Variants in LRRK1 observed in about 807,000 individuals in gnomAD.
The protein encoded by LRRK1 is leucine rich repeat kinase 1, also known as leucine-rich repeat serine/threonine-protein kinase 1.
LRRK1 carries 113 observed loss-of-function variants against 209.1 expected under a neutral mutation model. That is an observed-to-expected ratio of 0.54 (90% CI 0.46 to 0.63). The LOEUF (loss-of-function observed/expected upper bound fraction) is 0.63. Among genes scored for constraint, LRRK1 ranks in the 30% least tolerant of loss-of-function variants. LRRK1 has a pLI of 0.00. For synonymous variants in LRRK1, 1,144 were observed against 1,099.7 expected (o/e 1.04, Z -0.80); for missense variants, 2,284 against 2,632.2 (o/e 0.87, Z 2.89).
chr15:101,058,225 C>G, intron 29 of LRRK1, 84 bp downstream of exon 29: 1 of 1,388,042 alleles, frequency 7.2e-7, no homozygotes, highest in East Asian at 2.4e-5. Context: ...CGATGTTGAC[C>G]ACAGTGAGAA....
At position 101,076,406 on chromosome 15, in the gene LRRK1, A is replaced by G. The variant is rs527926450; in HGVS notation, c.*7558A>G. ...CACCGACTTCAATCCAGCCTCCCAC[A>G]TTATTCCTGATACCACACCTGACCC... is the stretch of plus-strand genomic sequence containing the variant. On this transcript the variant is annotated 3_prime_UTR_variant, in exon 34 of 34. Coordinates refer to ENST00000388948, the MANE Select transcript of LRRK1 (RefSeq NM_024652.6). 6.6e-6 allele frequency: 1 copy of G among 151,666 alleles called. No homozygotes were observed. The highest frequency in any genetic ancestry group is 2.1e-4 in the South Asian group (1 of 4,824). The allele number at this position is 151,666 out of a possible 1,614,324, so 9.4% of individuals were successfully genotyped here.
At position 101,076,613 on chromosome 15, in the gene LRRK1, T is replaced by G. The variant is rs2036995289; in HGVS notation, c.*7765T>G. The G allele has an allele frequency of 6.6e-6, 1 of 152,350 alleles. No individual in the cohort carries two copies. Among genetic ancestry groups the G allele is most frequent in the African/African-American group, 2.4e-5 (1 of 41,408 alleles). 9.4% of individuals were successfully genotyped at this position (152,350 alleles called of 1,614,324 possible). A position where few individuals can be genotyped will look rare whatever the true frequency, so the allele number is the denominator to read the frequency against. Reference sequence around the variant, plus strand: ...AGCCGCTAGCCCGCCTCTTAGAACCTCTCATTTCCTTTCCATCGTGGAAAT... The same window carrying G: ...AGCCGCTAGCCCGCCTCTTAGAACCGCTCATTTCCTTTCCATCGTGGAAAT... On this transcript the variant is annotated 3_prime_UTR_variant, in exon 34 of 34. Transcript: ENST00000388948.
intron 10 of LRRK1, 92 bp from the exon 11 acceptor site, chr15:101,014,224 G>A (rs1239150248): frequency 3.0e-5 from 26 of 861,240 alleles, no homozygotes; most frequent in South Asian, 7.7e-5. Context: ...GTTTGACTGC[G>A]CGTGGTTGGG....
intron 9 of LRRK1, 105 bp downstream of exon 9, chr15:101,010,942 A>C (rs2033205107): frequency 2.9e-6 from 3 of 1,018,772 alleles, no homozygotes; most frequent in Non-Finnish European, 4.2e-6. Flanking sequence ...CTCAGCAGCG[A>C]AGCCGGGTAG....
intron 6 of LRRK1, among the ~76,000 whole-genome samples, chr15:100,997,430 C>G (rs1379193328): frequency 1.3e-5 from 2 of 152,144 alleles, no homozygotes; most frequent in African/African-American, 4.8e-5. Flanking sequence ...CCCTGGCTGT[C>G]ACAGTGCTCA....
intron 12 of LRRK1, among the ~76,000 whole-genome samples, chr15:101,017,809 A>G (rs1475144145): frequency 1.3e-5 from 2 of 152,112 alleles, no homozygotes; most frequent in Non-Finnish European, 2.9e-5. Context: ...ACTTCAACTT[A>G]GTGTAAAAGG....
chr15:100,977,820 TA>T (rs1178644559), intron 3 of LRRK1, among the ~76,000 whole-genome samples: 2 of 151,898 alleles, frequency 1.3e-5, no homozygotes, highest in African/African-American at 4.8e-5. Flanking sequence ...CAGGCCACAA[TA>T]AAAAATTACT....
At chr15:100,987,218 G>A (rs1425730069) in intron 4 of LRRK1, among the ~76,000 whole-genome samples, 1 of 152,062 alleles carries the variant, frequency 6.6e-6, no homozygotes, top group East Asian at 1.9e-4. Context: ...TCCTGACCCC[G>A]GTTTCCTGAT....
intron 2 of LRRK1, among the ~76,000 whole-genome samples, chr15:100,925,296 C>T (rs1003141083): frequency 1.3e-5 from 2 of 152,212 alleles, no homozygotes; most frequent in African/African-American, 4.8e-5. Context: ...TCAAGTGAAA[C>T]ATCATTTCAT....
chr15:100,990,593 G>A (rs780973746), intron 6 of LRRK1, among the ~76,000 whole-genome samples: 5 of 152,074 alleles, frequency 3.3e-5, no homozygotes, highest in Non-Finnish European at 7.4e-5. Context: ...TGTTATATTA[G>A]TAATAATACT....
chr15:101,045,499 G>A lies in LRRK1; in HGVS notation c.2964-482G>A, dbSNP rs368420698. ...TTCTAACTTTTAAGGCAATCGCGTC[G>A]TGTCAACGGGCCAAGAATAATAAAT... On this transcript the variant is annotated intron_variant, in intron 20 of 33. Transcript: ENST00000388948. Among the ~76,000 whole-genome samples, 6 of 152,316 alleles carry A rather than the reference G, an allele frequency of 3.9e-5. No homozygotes were observed. The East Asian group carries it at 9.6e-4, about 24-fold the overall frequency.
rs56339648 is a variant in LRRK1 at position 101,053,051 on chromosome 15, C to T, written c.3819C>T (p.His1273=). 7 of 1,612,046 alleles carry T rather than the reference C, an allele frequency of 4.3e-6. No individual in the cohort carries two copies. The highest frequency in any genetic ancestry group is 5.9e-6 in the Non-Finnish European group (7 of 1,178,750). Residue 1273 remains histidine, a synonymous_variant, in exon 25 of 34, where the codon CAC becomes CAT. Coordinates refer to ENST00000388948, the MANE Select transcript of LRRK1 (RefSeq NM_024652.6). The stretch of plus-strand genomic sequence containing the variant: ...AGCCTGTGGCCGTCAAGCGCTTCCA[C>T]ATCAAAAAATTCAAGAACTTTGCTA... ...QGQPVAVKRF[H]IKKFKNFANV... is the part of the protein sequence containing the mutation.
intron 2 of LRRK1, among the ~76,000 whole-genome samples, chr15:100,938,754 G>A (rs7179502): frequency 0.33 from 50,143 of 152,112 alleles, 10,357 homozygotes; most frequent in African/African-American, 0.59. Flanking sequence ...ATAGCATGCT[G>A]TTGACAGGCT....
At chr15:100,953,786 A>T (rs1188137936) in intron 2 of LRRK1, among the ~76,000 whole-genome samples, 1 of 152,114 alleles carries the variant, frequency 6.6e-6, no homozygotes, top group African/African-American at 2.4e-5. Context: ...CTGCTACCTT[A>T]CATTCCCAGC....
At chr15:101,058,283 G>A in intron 29 of LRRK1, 142 bp downstream of exon 29, 1 of 785,776 alleles carries the variant, frequency 1.3e-6, no homozygotes, top group Non-Finnish European at 2.0e-6. Flanking sequence ...CTGCACTCAA[G>A]AAAGAGCAGG....
intron 20 of LRRK1, among the ~76,000 whole-genome samples, chr15:101,040,203 T>A (rs1428178961): frequency 1.3e-5 from 2 of 152,204 alleles, no homozygotes; most frequent in Non-Finnish European, 2.9e-5. Flanking sequence ...AGAGGATTTT[T>A]AATTACAAAT....
At chr15:100,946,320 A>G (rs1419791259) in intron 2 of LRRK1, among the ~76,000 whole-genome samples, 1 of 152,150 alleles carries the variant, frequency 6.6e-6, no homozygotes, top group Non-Finnish European at 1.5e-5. Flanking sequence ...GGGTGAGAGG[A>G]GGGGAGGAGA....
intron 2 of LRRK1, among the ~76,000 whole-genome samples, chr15:100,930,121 G>T (rs536851452): frequency 9.6e-4 from 147 of 152,350 alleles, no homozygotes; most frequent in Middle Eastern, 3.4e-3. Flanking sequence ...CTTTCTGTGG[G>T]CAGCTCTGGT....
intron 3 of LRRK1, among the ~76,000 whole-genome samples, chr15:100,982,846 G>A (rs1178829585): frequency 3.3e-5 from 5 of 152,222 alleles, no homozygotes; most frequent in Admixed American, 6.5e-5. Flanking sequence ...GCAGGTAGTC[G>A]AGAGCAGCAA....
Sources: gnomAD v4.1 joint callset for allele counts (sites outside exome capture counted in the v4.1 genomes callset) on GRCh38, gnomAD v4.1.1 for gene constraint, MANE v1.5 for transcripts, NCBI Gene and HGNC (gene_info 2026-07-23, HGNC 2026-07-21) for gene names.